OTULIN: variants seen among roughly 807,000 people sequenced by gnomAD.
The protein encoded by OTULIN is OTU deubiquitinase with linear linkage specificity.
Under a neutral mutation model 39.6 loss-of-function variants are expected in OTULIN, and 15 were observed. That is an observed-to-expected ratio of 0.38 (90% CI 0.25 to 0.58). The LOEUF is 0.58. OTULIN is among the 20% of genes least tolerant of loss of function. The pLI, the probability that OTULIN is intolerant of heterozygous loss-of-function variation, is 0.66. For synonymous variants in OTULIN, 156 were observed against 170.3 expected (o/e 0.92, Z 0.65); for missense variants, 319 against 445.9 (o/e 0.72, Z 2.56).
chr5:14,697,772 T>C lies in OTULIN; in HGVS notation c.*4724T>C, dbSNP rs1191493875. ...TTGATTTGTTTGGTATAAGTTTGGG[T>C]CAGAAATGAAACTGCCAAAACATCG... On this transcript the variant is annotated 3_prime_UTR_variant, in exon 7 of 7. Coordinates refer to ENST00000284274, the MANE Select transcript of OTULIN (RefSeq NM_138348.6). 4 of 152,258 alleles carry C rather than the reference T, an allele frequency of 2.6e-5. No individual in the cohort carries two copies. The highest frequency in any genetic ancestry group is 9.6e-5 in the African/African-American group (4 of 41,550). The allele number at this position is 152,258 out of a possible 1,614,324, so 9.4% of individuals were successfully genotyped here.
In OTULIN at chr5:14,697,342, A is replaced by G. The variant is rs1736696506; in HGVS notation, c.*4294A>G. On this transcript the variant is annotated 3_prime_UTR_variant, in exon 7 of 7. Coordinates refer to ENST00000284274, the MANE Select transcript of OTULIN (RefSeq NM_138348.6). ...CAGGTGTGTACCACCACTCCCAGCTAATTTTTGTATTTTTAGTAGAGATGG... is the reference window on the plus strand; with the variant it reads ...CAGGTGTGTACCACCACTCCCAGCTGATTTTTGTATTTTTAGTAGAGATGG... The G allele has an allele frequency of 6.6e-6, 1 of 151,948 alleles. No individual in the cohort carries two copies. Among genetic ancestry groups the G allele is most frequent in the South Asian group, 2.1e-4 (1 of 4,806 alleles). 9.4% of individuals were successfully genotyped at this position (151,948 alleles called of 1,614,324 possible). A position where few individuals can be genotyped will look rare whatever the true frequency, so the allele number is the denominator to read the frequency against.
In OTULIN at chr5:14,694,441, C is replaced by T. The variant is rs1020270733; in HGVS notation, c.*1393C>T. 6.6e-6 allele frequency: 1 copy of T among 152,202 alleles called. No homozygotes were observed. Among genetic ancestry groups the T allele is most frequent in the Non-Finnish European group, 1.5e-5 (1 of 68,042 alleles). The allele number at this position is 152,202 out of a possible 1,614,324, so 9.4% of individuals were successfully genotyped here. ...ATTCTACTGGCAGCCCCTGAATTGG[C>T]TCAACGTTTGTGGAGGTGGTATTTC... is the stretch of plus-strand genomic sequence containing the variant. On this transcript the variant is annotated 3_prime_UTR_variant, in exon 7 of 7. Transcript: ENST00000284274.
At chr5:14,666,272 C>T (rs1735842080) in intron 1 of OTULIN, among the ~76,000 whole-genome samples, 2 of 152,210 alleles carry the variant, frequency 1.3e-5, no homozygotes. Flanking sequence ...TTCTGGTGGA[C>T]ATGATTCTCA....
intron 1 of OTULIN, among the ~76,000 whole-genome samples, chr5:14,668,849 CT>C (rs1267636375): frequency 1.3e-5 from 2 of 152,190 alleles, no homozygotes; most frequent in African/African-American, 4.8e-5. Flanking sequence ...TCACTAAGTT[CT>C]GCTTTTAACT....
chr5:14,666,592 G>C (rs1194949562), intron 1 of OTULIN, among the ~76,000 whole-genome samples: 1 of 152,082 alleles, frequency 6.6e-6, no homozygotes, highest in Non-Finnish European at 1.5e-5. Flanking sequence ...TTCCCCCCTT[G>C]GTTTGCTTCC....
At chr5:14,691,280 A>G (rs1011418994) in intron 6 of OTULIN, among the ~76,000 whole-genome samples, 8 of 152,320 alleles carry the variant, frequency 5.3e-5, no homozygotes, top group African/African-American at 1.9e-4. Context: ...AAAAAGGCCC[A>G]AGTGCCATGA....
chr5:14,701,231 C>G (rs536410942), downstream of OTULIN, among the ~76,000 whole-genome samples: 8 of 152,316 alleles, frequency 5.3e-5, no homozygotes, highest in South Asian at 2.1e-4. Context: ...CTAATGCTGT[C>G]GCCTCCCACC....
chr5:14,670,620 T>G (rs1735956695), intron 1 of OTULIN, among the ~76,000 whole-genome samples: 1 of 152,192 alleles, frequency 6.6e-6, no homozygotes, highest in African/African-American at 2.4e-5. Context: ...CTAATTTTTT[T>G]TAGTGACAGG....
At chr5:14,706,924 G>A in the OTULIN span, 1 of 152,208 alleles carries the variant, frequency 6.6e-6, no homozygotes, top group African/African-American at 2.4e-5. Flanking sequence ...GGAGCTGCTG[G>A]CTTTGAACCG....
rs1736754912 is a variant in OTULIN, at chr5:14,699,565, T to TG, written c.*6518dup. Reference sequence around the variant, plus strand: ...CTCCCTCTACTTGTCTGAATTACGATGCTCTGCTCAACTCTGTGGACAGTG... The same window carrying TG: ...CTCCCTCTACTTGTCTGAATTACGATGGCTCTGCTCAACTCTGTGGACAGTG... On this transcript the variant is annotated 3_prime_UTR_variant, in exon 7 of 7. Transcript: ENST00000284274. The TG allele has an allele frequency of 6.6e-6, 1 of 152,254 alleles. No homozygotes were observed. The highest frequency in any genetic ancestry group is 2.4e-5 in the African/African-American group (1 of 41,458). The allele number at this position is 152,254 out of a possible 1,614,324, so 9.4% of individuals were successfully genotyped here. A position where few individuals can be genotyped will look rare whatever the true frequency, so the allele number is the denominator to read the frequency against.
the OTULIN span, chr5:14,709,673 A>G: frequency 6.6e-6 from 1 of 152,536 alleles, no homozygotes; most frequent in Non-Finnish European, 1.5e-5. Context: ...GTTACCCATA[A>G]TGAAAAATAG....
chr5:14,688,324 C>T (rs540867956), intron 5 of OTULIN, among the ~76,000 whole-genome samples: 26 of 152,196 alleles, frequency 1.7e-4, no homozygotes, highest in South Asian at 6.2e-4. Flanking sequence ...CTGTCACTTG[C>T]GCCAGGGTGT....
At chr5:14,713,269 T>C in the OTULIN span, among the ~76,000 whole-genome samples, 6 of 152,122 alleles carry the variant, frequency 3.9e-5, no homozygotes, top group African/African-American at 1.2e-4. This position sits in a 1 kb window ranked among gnomAD's most constrained non-coding sequence, Gnocchi z 4.4. Flanking sequence ...CTGGTTTTCA[T>C]GTCCAGCATA....
At chr5:14,674,933 A>T (rs898463346) in intron 2 of OTULIN, among the ~76,000 whole-genome samples, 6 of 152,208 alleles carry the variant, frequency 3.9e-5, no homozygotes, top group African/African-American at 1.4e-4. Flanking sequence ...CTGAAGAAAA[A>T]TGTGTGTCCT....
chr5:14,700,788 G>A (rs2126362456), downstream of OTULIN, among the ~76,000 whole-genome samples: 1 of 152,124 alleles, frequency 6.6e-6, no homozygotes, highest in South Asian at 2.1e-4. Context: ...GTCTTTGGCT[G>A]TTTAAGACAT....
chr5:14,672,883 T>C (rs1736013339), intron 1 of OTULIN, among the ~76,000 whole-genome samples: 1 of 152,178 alleles, frequency 6.6e-6, no homozygotes. Flanking sequence ...TTTATTGTCA[T>C]TTTGGGGTGA....
chr5:14,672,072 C>G (rs550912597), intron 1 of OTULIN, among the ~76,000 whole-genome samples: 1 of 152,282 alleles, frequency 6.6e-6, no homozygotes, highest in Admixed American at 6.5e-5. Context: ...AATCATTGCA[C>G]TCTGCATGCA....
At chr5:14,684,237 C>G (rs182534577) in intron 4 of OTULIN, among the ~76,000 whole-genome samples, 119 of 152,280 alleles carry the variant, frequency 7.8e-4, no homozygotes, top group Admixed American at 2.0e-3. Context: ...GTTTATTAAA[C>G]GTTGGATCTG....
chr5:14,681,725 G>A (rs1041456734), intron 4 of OTULIN, 118 bp downstream of exon 4: 32 of 1,186,328 alleles, frequency 2.7e-5, no homozygotes, highest in Admixed American at 9.9e-5. Context: ...CAGCATGTGC[G>A]TTTATTCAGT....
Sources: allele counts gnomAD v4.1 joint callset (sites outside exome capture counted in the v4.1 genomes callset), GRCh38; gene constraint gnomAD v4.1.1; non-coding constraint Gnocchi (gnomAD v3.1); transcripts MANE v1.5; gene names NCBI Gene and HGNC (gene_info 2026-07-23, HGNC 2026-07-21).